RNF212B: variants seen among roughly 807,000 people sequenced by gnomAD.
RNF212B encodes E3 ubiquitin-protein ligase RNF212B.
In RNF212B, 52 loss-of-function variants were observed where a neutral mutation model predicts 55.5. That is an observed-to-expected ratio of 0.94 (90% CI 0.75 to 1.18). The LOEUF is 1.18. Ranked by LOEUF, RNF212B falls within the 50% of genes most tolerant of loss-of-function variation. The probability of loss-of-function intolerance (pLI) is 0.00; values close to 1 mark genes in which losing one functional copy is unlikely to be tolerated. For synonymous variants in RNF212B, 99 were observed against 121.4 expected, an observed-to-expected ratio of 0.82 and a Z score of 1.21; for missense variants, 289 against 350.4, an observed-to-expected ratio of 0.82 and a Z score of 1.40.
intron 4 of RNF212B, among the ~76,000 whole-genome samples, chr14:23,248,274 CAT>C (rs1263678354): frequency 1.3e-5 from 2 of 151,406 alleles, no homozygotes; most frequent in African/African-American, 4.9e-5. Context: ...ACTACAAGCA[CAT>C]GTCACCACAC....
At chr14:23,260,593 A>G in intron 6 of RNF212B, 66 bp from the exon 7 acceptor site, 3 of 1,452,246 alleles carry the variant, frequency 2.1e-6, no homozygotes, top group Non-Finnish European at 2.8e-6. Context: ...CGCAAGTAAG[A>G]CTGAAGATCT....
At chr14:23,195,657 A>G (rs1416459915) in intron 2 of RNF212B, among the ~76,000 whole-genome samples, 1 of 152,124 alleles carries the variant, frequency 6.6e-6, no homozygotes, top group Non-Finnish European at 1.5e-5. Flanking sequence ...TGCTCTCCCG[A>G]CAGCACATCC....
At chr14:23,210,518 C>G (rs1185890707) in intron 2 of RNF212B, among the ~76,000 whole-genome samples, 1 of 152,112 alleles carries the variant, frequency 6.6e-6, no homozygotes, top group Non-Finnish European at 1.5e-5. Flanking sequence ...TGGCTCACGC[C>G]TATAATCCCA....
chr14:23,191,461 G>A (rs1594853959), intron 1 of RNF212B, among the ~76,000 whole-genome samples: 1 of 150,206 alleles, frequency 6.7e-6, no homozygotes, highest in African/African-American at 2.5e-5. Flanking sequence ...TTTGTTCCTT[G>A]TTTGTCTTTC....
intron 2 of RNF212B, among the ~76,000 whole-genome samples, chr14:23,209,910 T>G (rs1429356041): frequency 2.0e-5 from 3 of 152,184 alleles, no homozygotes; most frequent in Admixed American, 6.5e-5. Flanking sequence ...CACAGCACTT[T>G]GGGAGGCCGA....
intron 2 of RNF212B, among the ~76,000 whole-genome samples, chr14:23,240,853 ATGATACCTT>A (rs767927209): frequency 2.0e-5 from 3 of 152,216 alleles, no homozygotes; most frequent in Non-Finnish European, 2.9e-5. Context: ...AATGATGATG[ATGATACCTT>A]TGCAGCTTAA....
intron 4 of RNF212B, among the ~76,000 whole-genome samples, chr14:23,245,684 ATTC>A (rs1883927308): frequency 6.6e-6 from 1 of 152,242 alleles, no homozygotes; most frequent in Non-Finnish European, 1.5e-5. Flanking sequence ...TGCTCAAAAC[ATTC>A]TTCTTCAGTC....
intron 14 of RNF212B, 126 bp downstream of exon 14, chr14:23,270,787 A>G: frequency 1.5e-6 from 1 of 665,678 alleles, no homozygotes; most frequent in Non-Finnish European, 2.7e-6. Flanking sequence ...TCTGGTAACT[A>G]TATGTTCACA....
chr14:23,251,814 C>CAAAAAAAAAAAA lies in RNF212B; in HGVS notation c.229-6724_229-6723insAAAAAAAAAAAA, dbSNP rs71119011. Reference sequence around the variant, plus strand: ...CTGGCAACAGAGTGAGACTCTGTCTCAAAAAAAAAAAGAAAGAAAGAAAAC... The same window carrying CAAAAAAAAAAAA: ...CTGGCAACAGAGTGAGACTCTGTCTCAAAAAAAAAAAAAAAAAAAAAAAGAAAGAAAGAAAAC... On this transcript the variant is annotated intron_variant, in intron 4 of 14. Coordinates refer to ENST00000430154, the MANE Select transcript of RNF212B (RefSeq NM_001282322.3). 5.9e-4 allele frequency among the ~76,000 whole-genome samples: 81 copies of CAAAAAAAAAAAA among 136,270 alleles called. 3 individuals carry two copies. The highest frequency in any genetic ancestry group is 3.8e-3 in the Middle Eastern group (1 of 260). 89.4% of individuals were successfully genotyped at this position (136,270 alleles called of 152,430 possible).
chr14:23,186,299 C>T (rs1007824176), intron 1 of RNF212B, among the ~76,000 whole-genome samples: 1 of 150,560 alleles, frequency 6.6e-6, no homozygotes, highest in Non-Finnish European at 1.5e-5. Context: ...AATATGTTGA[C>T]AAAAATCTGT....
At chr14:23,196,994 A>G (rs1239563637) in intron 2 of RNF212B, among the ~76,000 whole-genome samples, 2 of 152,170 alleles carry the variant, frequency 1.3e-5, no homozygotes, top group African/African-American at 4.8e-5. Flanking sequence ...TGCAGGGACA[A>G]TGGTGCTTTT....
Position 23,264,235 on chromosome 14 carries a change from G to A in RNF212B, c.585+1G>A, listed in dbSNP as rs771121065. ...GGCTGGCTTTGGTAGCTTGGGACAAGTAAGTAATGTTCACCTTATCTTTCC... is the reference window on the plus strand; with the variant it reads ...GGCTGGCTTTGGTAGCTTGGGACAAATAAGTAATGTTCACCTTATCTTTCC... On this transcript the variant is annotated splice_donor_variant, in intron 10 of 14. Coordinates refer to ENST00000430154, the MANE Select transcript of RNF212B (RefSeq NM_001282322.3). LOFTEE classifies it high-confidence loss of function. The A allele has an allele frequency of 5.8e-6, 9 of 1,546,280 alleles. No homozygotes were observed. Among genetic ancestry groups the A allele is most frequent in the Non-Finnish European group, 7.9e-6 (9 of 1,143,170 alleles).
At chr14:23,253,374 GTTA>G (rs1202373973) in intron 4 of RNF212B, among the ~76,000 whole-genome samples, 2 of 152,002 alleles carry the variant, frequency 1.3e-5, no homozygotes, top group Non-Finnish European at 2.9e-5. Context: ...TTCTTTTTAA[GTTA>G]TTATTGAAGA....
intron 4 of RNF212B, among the ~76,000 whole-genome samples, chr14:23,257,615 CT>C (rs975614192): frequency 2.6e-5 from 4 of 152,166 alleles, no homozygotes. Flanking sequence ...GTAAATACTG[CT>C]GTGTACTCAA....
At chr14:23,210,726 A>G (rs1880410501) in intron 2 of RNF212B, among the ~76,000 whole-genome samples, 1 of 129,278 alleles carries the variant, frequency 7.7e-6, no homozygotes, top group Non-Finnish European at 1.6e-5. Context: ...GCAGTGAGCC[A>G]GGATCACGCC....
intron 6 of RNF212B, 145 bp downstream of exon 6, chr14:23,260,089 T>A (rs1428701860): frequency 1.9e-6 from 1 of 523,920 alleles, no homozygotes; most frequent in East Asian, 3.3e-5. Context: ...CACACTATAG[T>A]AAATGGATGA....
chr14:23,190,647 T>A (rs1878032916), intron 1 of RNF212B, among the ~76,000 whole-genome samples: 1 of 152,176 alleles, frequency 6.6e-6, no homozygotes, highest in African/African-American at 2.4e-5. Context: ...TCAATAGCCT[T>A]CTAATTGGTC....
chr14:23,259,024 A>G (rs944620782), intron 5 of RNF212B, among the ~76,000 whole-genome samples: 3 of 151,764 alleles, frequency 2.0e-5, no homozygotes, highest in African/African-American at 7.3e-5. Flanking sequence ...TCTAAAAAAA[A>G]AAAAATTTTA....
chr14:23,229,220 TTATATATATATATATATATA>T (rs61656270), intron 2 of RNF212B, among the ~76,000 whole-genome samples: 1,796 of 65,104 alleles, frequency 0.028, 80 homozygotes, highest in African/African-American at 0.084. Flanking sequence ...GAATAATATT[TTATATATATATATATATATA>T]TATATATATA....
Sources: gnomAD v4.1 joint callset for allele counts (sites outside exome capture counted in the v4.1 genomes callset) on GRCh38, gnomAD v4.1.1 for gene constraint, MANE v1.5 for transcripts, NCBI Gene and HGNC (gene_info 2026-07-23, HGNC 2026-07-21) for gene names.